Variants in CERT1 observed in about 807,000 individuals in gnomAD.
CERT1 encodes ceramide transfer protein.
A neutral mutation model predicts 87.9 loss-of-function variants in CERT1; 31 were observed. That is an observed-to-expected ratio of 0.35 (90% CI 0.27 to 0.48). The LOEUF is 0.48. Among genes scored for constraint, CERT1 ranks in the 20% least tolerant of loss-of-function variants. CERT1 has a pLI of 0.99. For missense variants in CERT1, 487 were observed against 758.0 expected (o/e 0.64, Z 4.20); for synonymous variants, 289 against 250.9 (o/e 1.15, Z -1.44).
At chr5:75,476,379 G>A (rs964494344) in intron 2 of CERT1, among the ~76,000 whole-genome samples, 7 of 151,676 alleles carry the variant, frequency 4.6e-5, no homozygotes, top group African/African-American at 7.3e-5. Context: ...TATATATAAC[G>A]GAATGATTAA....
intron 10 of CERT1, 52 bp downstream of exon 10, chr5:75,400,153 C>A: frequency 7.9e-7 from 1 of 1,265,246 alleles, no homozygotes; most frequent in Non-Finnish European, 1.1e-6. Flanking sequence ...TTTCCACCAA[C>A]AATGAAGAAC....
intron 2 of CERT1, among the ~76,000 whole-genome samples, chr5:75,497,543 T>C (rs992639518): frequency 6.6e-6 from 1 of 152,038 alleles, no homozygotes; most frequent in Non-Finnish European, 1.5e-5. Context: ...ATAATCCCCA[T>C]GTGCTGTGGA....
At chr5:75,412,566 A>G (rs1762973911) in intron 7 of CERT1, among the ~76,000 whole-genome samples, 1 of 152,210 alleles carries the variant, frequency 6.6e-6, no homozygotes, top group African/African-American at 2.4e-5. Flanking sequence ...TATAAACATC[A>G]TAGAGTGTAC....
intron 2 of CERT1, among the ~76,000 whole-genome samples, chr5:75,470,053 A>G (rs776887714): frequency 3.3e-5 from 5 of 152,172 alleles, no homozygotes; most frequent in African/African-American, 4.8e-5. Context: ...ACACCTAAAT[A>G]TATAAAGCAT....
intron 6 of CERT1, among the ~76,000 whole-genome samples, chr5:75,418,137 CAA>C (rs769051032): frequency 8.5e-5 from 13 of 152,260 alleles, no homozygotes; most frequent in Non-Finnish European, 1.8e-4. Context: ...GCCTGGGTAA[CAA>C]GAGGGAAACT....
chr5:75,427,268 C>A (rs1396839639), intron 3 of CERT1, among the ~76,000 whole-genome samples: 2 of 152,156 alleles, frequency 1.3e-5, no homozygotes, highest in Non-Finnish European at 2.9e-5. Flanking sequence ...TATTTTGGAT[C>A]TCTGATTATT....
chr5:75,424,160 G>A (rs1426793469), intron 5 of CERT1, among the ~76,000 whole-genome samples: 6 of 152,156 alleles, frequency 3.9e-5, no homozygotes, highest in African/African-American at 1.4e-4. Context: ...AAAGTTAATT[G>A]AAGATATCTT....
intron 11 of CERT1, among the ~76,000 whole-genome samples, chr5:75,396,029 A>G (rs932338671): frequency 7.9e-5 from 12 of 152,216 alleles, no homozygotes; most frequent in African/African-American, 2.4e-4. Context: ...GTAGATGTAC[A>G]TATTTTATTT....
chr5:75,390,861 C>T (rs547968058), intron 11 of CERT1, among the ~76,000 whole-genome samples: 5 of 152,258 alleles, frequency 3.3e-5, no homozygotes, highest in South Asian at 4.1e-4. Context: ...TGGAGTGCAG[C>T]GGCACAATCA....
At chr5:75,375,581 CAAAATAAA>C (rs1761263623), downstream of CERT1, 1 of 111,430 alleles carries the variant, frequency 9.0e-6, no homozygotes, top group Non-Finnish European at 1.8e-5. Flanking sequence ...GATGCTGTCT[CAAAATAAA>C]TAAATAAATA....
At chr5:75,498,962 G>T (rs897951340) in intron 2 of CERT1, among the ~76,000 whole-genome samples, 1 of 152,216 alleles carries the variant, frequency 6.6e-6, no homozygotes, top group African/African-American at 2.4e-5. Flanking sequence ...CCACAGGGAC[G>T]GAGCTGCCCA....
chr5:75,504,590 C>A (rs1767566728), intron 2 of CERT1, among the ~76,000 whole-genome samples: 1 of 152,118 alleles, frequency 6.6e-6, no homozygotes, highest in South Asian at 2.1e-4. Context: ...ATATATATAT[C>A]TTTCACTTTT....
At chr5:75,506,656 T>C (rs1767664181) in intron 1 of CERT1, among the ~76,000 whole-genome samples, 1 of 152,176 alleles carries the variant, frequency 6.6e-6, no homozygotes, top group Non-Finnish European at 1.5e-5. Context: ...TATATCAAAA[T>C]AAAAATAATA....
intron 2 of CERT1, among the ~76,000 whole-genome samples, chr5:75,500,789 T>G (rs1427348344): frequency 6.6e-6 from 1 of 152,214 alleles, no homozygotes. Flanking sequence ...AATGACTATT[T>G]ATGGCACTAA....
intron 3 of CERT1, among the ~76,000 whole-genome samples, chr5:75,436,182 G>A (rs1250992311): frequency 2.0e-5 from 3 of 152,052 alleles, no homozygotes; most frequent in Admixed American, 2.0e-4. Flanking sequence ...ACAGACGTCC[G>A]CTACCATGCC....
chr5:75,503,655 C>CTTTTGTT (rs1561309380), intron 2 of CERT1, among the ~76,000 whole-genome samples: 1 of 151,764 alleles, frequency 6.6e-6, no homozygotes, highest in African/African-American at 2.4e-5. Context: ...CCTAATTCAT[C>CTTTTGTT]TTTTTACTTC....
intron 3 of CERT1, among the ~76,000 whole-genome samples, chr5:75,431,938 T>C (rs1045037204): frequency 4.6e-5 from 7 of 152,124 alleles, no homozygotes; most frequent in African/African-American, 1.4e-4. Flanking sequence ...TACACAGTAA[T>C]GAGATTGCTG....
rs1007220739 is a variant in CERT1, at chr5:75,511,593, C to A, written c.-386G>T. 3.4e-6 allele frequency: 5 copies of A among 1,466,068 alleles called. No homozygotes were observed. In the Admixed American group the frequency reaches 7.3e-5, roughly 21 times the overall value. The allele number at this position is 1,466,068 out of a possible 1,614,324, so 90.8% of individuals were successfully genotyped here. A position where few individuals can be genotyped will look rare whatever the true frequency, so the allele number is the denominator to read the frequency against. On this transcript the variant is annotated 5_prime_UTR_variant, in exon 1 of 17. Transcript: ENST00000643780. The stretch of plus-strand genomic sequence containing the variant: ...TGAGTCCCGCGTCCACTCACACCTC[C>A]GCTACCGCCGCCATCTTCCTGCCTG...
intron 7 of CERT1, among the ~76,000 whole-genome samples, chr5:75,416,547 C>T (rs1763142049): frequency 6.6e-6 from 1 of 152,086 alleles, no homozygotes; most frequent in Admixed American, 6.6e-5. Context: ...GTTCATATGC[C>T]TTAAATGCAG....
Sources: gnomAD v4.1 joint callset for allele counts (sites outside exome capture counted in the v4.1 genomes callset) on GRCh38, gnomAD v4.1.1 for gene constraint, MANE v1.5 for transcripts, NCBI Gene and HGNC (gene_info 2026-07-23, HGNC 2026-07-21) for gene names.